PHYH: variants seen among roughly 807,000 people sequenced by gnomAD.
PHYH encodes the protein phytanoyl-CoA 2-hydroxylase, also known as phytanoyl-CoA dioxygenase, peroxisomal.
A neutral mutation model predicts 38.5 loss-of-function variants in PHYH; 32 were observed. The observed-to-expected ratio is 0.83, with a 90% confidence interval of 0.63 to 1.12. The LOEUF (loss-of-function observed/expected upper bound fraction) is 1.12, where lower values mean the gene tolerates loss of function less well. Among genes scored for constraint, PHYH ranks in the 50% most tolerant of loss-of-function variants. The pLI is 0.00. For synonymous variants in PHYH, 166 were observed against 157.9 expected, an observed-to-expected ratio of 1.05 and a Z score of -0.38; for missense variants, 426 against 434.8, an observed-to-expected ratio of 0.98 and a Z score of 0.18.
intron 6 of PHYH, among the ~76,000 whole-genome samples, chr10:13,286,013 T>C (rs1351906531): frequency 2.6e-5 from 4 of 152,004 alleles, no homozygotes; most frequent in Non-Finnish European, 5.9e-5. Context: ...GCTCAAGTAA[T>C]CCTCCTGCCT....
chr10:13,295,101 G>A (rs1160419289), intron 3 of PHYH: 4 of 282,312 alleles, frequency 1.4e-5, no homozygotes, highest in Non-Finnish European at 2.7e-5. Flanking sequence ...AGCAACTCAG[G>A]AGGGTGAGGC....
chr10:13,290,824 C>T (rs758720859), intron 5 of PHYH, among the ~76,000 whole-genome samples: 12 of 152,214 alleles, frequency 7.9e-5, no homozygotes, highest in East Asian at 3.9e-4. Flanking sequence ...AGGCTGGGCG[C>T]GGTGGCTCAC....
chr10:13,280,854 C>A, intron 8 of PHYH, 122 bp downstream of exon 8: 2 of 944,444 alleles, frequency 2.1e-6, no homozygotes, highest in East Asian at 2.4e-5. Flanking sequence ...TCAGCGATGT[C>A]CCTAAAATGA....
rs764153295 is a variant in PHYH at position 13,299,931 on chromosome 10, C to G, written c.75+37G>C. ...ACCACTCAGGCGGCGGCGCCGGCGC[C>G]GGATCCAGCCCGAGCCCCGCGCAGC... On this transcript the variant is annotated intron_variant, in intron 1 of 8. Coordinates refer to ENST00000263038, the MANE Select transcript of PHYH (RefSeq NM_006214.4). 38 of 1,495,982 alleles carry G rather than the reference C, an allele frequency of 2.5e-5. 1 individual carries two copies. In the South Asian group the frequency reaches 4.1e-4, roughly 16 times the overall value. The allele number at this position is 1,495,982 out of a possible 1,614,324, so 92.7% of individuals were successfully genotyped here.
chr10:13,299,562 C>T, intron 1 of PHYH: 17 of 1,018,236 alleles, frequency 1.7e-5, no homozygotes, highest in Non-Finnish European at 2.0e-5. Context: ...AGGTCCCGGT[C>T]ACTGCCTGCC....
chr10:13,297,168 G>A (rs1832582581), intron 2 of PHYH, among the ~76,000 whole-genome samples: 1 of 152,032 alleles, frequency 6.6e-6, no homozygotes, highest in Admixed American at 6.6e-5. Flanking sequence ...TTTCTCTGAT[G>A]TTTCTGTAAT....
At position 13,277,950 on chromosome 10, in the gene PHYH, A is replaced by G; in HGVS notation, c.*351T>C. 1 of 335,658 alleles carries G rather than the reference A, an allele frequency of 3.0e-6. No individual in the cohort carries two copies. The highest frequency in any genetic ancestry group is 5.7e-6 in the Non-Finnish European group (1 of 174,872). The allele number at this position is 335,658 out of a possible 1,614,324, so 20.8% of individuals were successfully genotyped here. ...AGGGAATGGGTTTATCAGAAAGGGG[A>G]TACAAAACATACCCTAAGCTCCAAA... On this transcript the variant is annotated 3_prime_UTR_variant, in exon 9 of 9. Coordinates refer to ENST00000263038, the MANE Select transcript of PHYH (RefSeq NM_006214.4).
chr10:13,285,463 C>T (rs901040155), intron 6 of PHYH, among the ~76,000 whole-genome samples: 5 of 152,152 alleles, frequency 3.3e-5, no homozygotes, highest in African/African-American at 9.7e-5. Context: ...AGATTATAGG[C>T]GTGAGCCACT....
chr10:13,292,032 G>T, intron 4 of PHYH, 120 bp from the exon 5 acceptor site: 1 of 725,138 alleles, frequency 1.4e-6, no homozygotes, highest in Non-Finnish European at 2.4e-6. Flanking sequence ...TAAGAACCAA[G>T]CGGTATTTCA....
chr10:13,290,568 C>T (rs6602645), intron 5 of PHYH, among the ~76,000 whole-genome samples: 131,815 of 151,988 alleles, frequency 0.87, 58,317 homozygotes, highest in East Asian at 0.97. Flanking sequence ...ACTGCAGGCA[C>T]AGAGGAATTT....
rs938466163 is a variant in PHYH at position 13,294,430 on chromosome 10, C to T, written c.412G>A (p.Glu138Lys). Residue 138 changes from glutamate to lysine, a missense_variant and splice_region_variant, in exon 4 of 9, where the codon GAG (glutamate) becomes AAG (lysine). By Grantham distance (56) the Glu-to-Lys change is moderately conservative (BLOSUM62 1). Transcript: ENST00000263038. ...KELFRYCTLP[E>K]ILKYVECFTG... ...GCAAAGCAAGGGTGGTCTCTGACCT[C>T]GGGGAGAGTGCAGTATCTGAAGAGC... is the stretch of plus-strand genomic sequence containing the variant. The T allele has an allele frequency of 6.2e-6, 10 of 1,613,952 alleles. No homozygotes were observed. The highest frequency in any genetic ancestry group is 2.2e-5 in the East Asian group (1 of 44,872).
At chr10:13,298,312 A>G (rs987397517) in intron 1 of PHYH, 67 bp from the exon 2 acceptor site, 6 of 958,072 alleles carry the variant, frequency 6.3e-6, no homozygotes, top group Non-Finnish European at 1.0e-5. Context: ...CATGCCTGTA[A>G]TTCCAGCACT....
At chr10:13,294,315 C>CA in intron 4 of PHYH, 113 bp downstream of exon 4, 1 of 938,176 alleles carries the variant, frequency 1.1e-6, no homozygotes, top group South Asian at 1.3e-5. Flanking sequence ...CTCAGCCTCC[C>CA]ACAGTGCTCG....
chr10:13,293,552 G>A (rs902876724), intron 4 of PHYH, among the ~76,000 whole-genome samples: 17 of 151,880 alleles, frequency 1.1e-4, no homozygotes, highest in African/African-American at 4.8e-5. Flanking sequence ...TGCCCACCTC[G>A]GCCTCCCAAA....
At chr10:13,280,852 G>T in intron 8 of PHYH, 124 bp downstream of exon 8, 2 of 924,984 alleles carry the variant, frequency 2.2e-6, no homozygotes, top group Non-Finnish European at 3.5e-6. Flanking sequence ...GCTCAGCGAT[G>T]TCCCTAAAAT....
intron 1 of PHYH, chr10:13,299,594 TGC>T: frequency 9.6e-7 from 1 of 1,037,574 alleles, no homozygotes; most frequent in Non-Finnish European, 1.2e-6. Flanking sequence ...CAGGCAGCCC[TGC>T]GCGCCTGTGC....
intron 5 of PHYH, among the ~76,000 whole-genome samples, chr10:13,288,996 C>A (rs1167728417): frequency 6.7e-6 from 1 of 150,218 alleles, no homozygotes; most frequent in Non-Finnish European, 1.5e-5. Flanking sequence ...AATGACCTGT[C>A]CCCAGAAGAA....
At chr10:13,283,281 C>T (rs944604923) in intron 7 of PHYH, among the ~76,000 whole-genome samples, 4 of 152,042 alleles carry the variant, frequency 2.6e-5, no homozygotes, top group African/African-American at 9.7e-5. Context: ...AGGCGCCCGC[C>T]ACCTCGCCCA....
chr10:13,285,086 A>T (rs1159361601), intron 6 of PHYH, among the ~76,000 whole-genome samples: 2 of 152,164 alleles, frequency 1.3e-5, no homozygotes, highest in Non-Finnish European at 2.9e-5. Flanking sequence ...TTCACTGATG[A>T]GTTTCACATT....
Sources: gnomAD v4.1 joint callset for allele counts (sites outside exome capture counted in the v4.1 genomes callset) on GRCh38, gnomAD v4.1.1 for gene constraint, MANE v1.5 for transcripts, NCBI Gene and HGNC (gene_info 2026-07-23, HGNC 2026-07-21) for gene names.